HEATR5A: variants seen among roughly 807,000 people sequenced by gnomAD.
The protein encoded by HEATR5A is HEAT repeat-containing protein 5A.
A neutral mutation model predicts 218.8 loss-of-function variants in HEATR5A; 178 were observed. The ratio of observed to expected loss-of-function variants is 0.81; its 90% CI spans 0.72 to 0.92. The LOEUF is 0.92. HEATR5A is among the 40% of genes least tolerant of loss of function. The pLI, the probability that HEATR5A is intolerant of heterozygous loss-of-function variation, is 0.00. For missense variants in HEATR5A, 2,420 were observed against 2,418.9 expected (o/e 1.00, Z -0.01); for synonymous variants, 864 against 871.6 (o/e 0.99, Z 0.15).
chr14:31,406,284 C>A (rs565347900), intron 1 of HEATR5A, among the ~76,000 whole-genome samples: 1 of 152,176 alleles, frequency 6.6e-6, no homozygotes, highest in Non-Finnish European at 1.5e-5. Context: ...ACACATATGT[C>A]AATATATTTA....
At chr14:31,344,268 CTTTTTTTTTTTTTTT>C (rs577497140) in intron 20 of HEATR5A, among the ~76,000 whole-genome samples, 1,074 of 50,942 alleles carry the variant, frequency 0.021, 54 homozygotes, top group Non-Finnish European at 0.024. Flanking sequence ...ATTAGTTATT[CTTTTTTTTTTTTTTT>C]TTTTTTTTTT....
intron 22 of HEATR5A, among the ~76,000 whole-genome samples, chr14:31,328,115 A>AT (rs922801083): frequency 5.4e-4 from 80 of 147,424 alleles, no homozygotes; most frequent in African/African-American, 1.6e-3. Context: ...TGCCCAGCTA[A>AT]TTTTTTTTTT....
chr14:31,308,048 G>C lies in HEATR5A; in HGVS notation c.4691-28C>G, dbSNP rs561716152. 4 of 1,567,054 alleles carry C rather than the reference G, an allele frequency of 2.6e-6. No individual in the cohort carries two copies. The South Asian group carries it at 4.8e-5, about 19-fold the overall frequency. On this transcript the variant is annotated intron_variant, in intron 29 of 35. Coordinates refer to ENST00000543095, the MANE Select transcript of HEATR5A (RefSeq NM_015473.4). ...GTGGAAAGCAAAAAAAGAGGAGGAG[G>C]CTTCTTTCAAATTATTAGTTTATGA...
chr14:31,312,094 G>C (rs1899774064), intron 28 of HEATR5A, among the ~76,000 whole-genome samples: 1 of 152,114 alleles, frequency 6.6e-6, no homozygotes, highest in African/African-American at 2.4e-5. Flanking sequence ...ACAGGGAGAG[G>C]GTAGGCTGTT....
At chr14:31,339,158 T>C (rs2139197246) in intron 21 of HEATR5A, among the ~76,000 whole-genome samples, 1 of 147,580 alleles carries the variant, frequency 6.8e-6, no homozygotes, top group South Asian at 2.2e-4. Context: ...TATGTATGTA[T>C]GTATGTATGT....
chr14:31,350,569 T>A (rs746836580), intron 17 of HEATR5A, 43 bp downstream of exon 17: 2 of 1,122,902 alleles, frequency 1.8e-6, no homozygotes, highest in Non-Finnish European at 1.3e-6. Flanking sequence ...ACAAATTTTT[T>A]AAAAAATGAA....
At chr14:31,402,484 A>T (rs2030914311) in intron 2 of HEATR5A, among the ~76,000 whole-genome samples, 2 of 152,176 alleles carry the variant, frequency 1.3e-5, no homozygotes, top group African/African-American at 4.8e-5. Flanking sequence ...TTTTAAAGTG[A>T]AACTCCCACT....
chr14:31,397,410 C>T (rs2030697260), intron 4 of HEATR5A, among the ~76,000 whole-genome samples: 1 of 151,824 alleles, frequency 6.6e-6, no homozygotes, highest in Non-Finnish European at 1.5e-5. Flanking sequence ...GTAATCCTAG[C>T]ACTTTGGGAG....
intron 21 of HEATR5A, among the ~76,000 whole-genome samples, chr14:31,339,947 A>G (rs1223676005): frequency 1.3e-5 from 2 of 152,236 alleles, no homozygotes; most frequent in Non-Finnish European, 2.9e-5. Flanking sequence ...TATAATACAA[A>G]GCAGGTGCAG....
At chr14:31,365,108 C>T (rs1460633838) in intron 13 of HEATR5A, among the ~76,000 whole-genome samples, 3 of 149,960 alleles carry the variant, frequency 2.0e-5, no homozygotes, top group East Asian at 2.1e-4. Flanking sequence ...CTCCTGACCT[C>T]GTGATCCACC....
intron 28 of HEATR5A, among the ~76,000 whole-genome samples, chr14:31,311,015 T>G (rs1899730056): frequency 7.3e-6 from 1 of 136,588 alleles, no homozygotes; most frequent in Admixed American, 7.9e-5. Context: ...ACCCTGTCTC[T>G]AAAAACCAAC....
chr14:31,299,962 G>C (rs1231509894), intron 33 of HEATR5A, among the ~76,000 whole-genome samples: 4 of 151,940 alleles, frequency 2.6e-5, no homozygotes, highest in Non-Finnish European at 1.5e-5. Flanking sequence ...CTTGAACCTG[G>C]GAGGCAGAAG....
At chr14:31,381,412 G>A (rs955961469) in intron 10 of HEATR5A, among the ~76,000 whole-genome samples, 1 of 152,074 alleles carries the variant, frequency 6.6e-6, no homozygotes, top group Non-Finnish European at 1.5e-5. Flanking sequence ...GCTGGGCACA[G>A]TGGCTCATGC....
intron 11 of HEATR5A, among the ~76,000 whole-genome samples, chr14:31,378,740 A>G (rs1197838081): frequency 6.8e-6 from 1 of 146,948 alleles, no homozygotes; most frequent in Non-Finnish European, 1.5e-5. Context: ...GTGAGCCGAG[A>G]TCGCGCCACT....
At position 31,347,864 on chromosome 14, in the gene HEATR5A, A is replaced by T; in HGVS notation, c.2752T>A (p.Leu918Met). ...TACCTATGTAGGGACCCCAAGGCCA[A>T]TGAGTGTCCTGTTCTGGTAACCACA... Reference protein sequence around the residue: ...RDVVTRTGHSLALGSLHRYLG... With the variant: ...RDVVTRTGHSMALGSLHRYLG... The change falls in exon 19 of 36, where the codon TTG (leucine) becomes ATG (methionine). Residue 918 changes from leucine to methionine, a missense_variant. By Grantham distance (15) the Leu-to-Met change is conservative. Transcript: ENST00000543095. The T allele has an allele frequency of 6.3e-7, 1 of 1,577,594 alleles. No homozygotes were observed. The highest frequency in any genetic ancestry group is 2.3e-5 in the East Asian group (1 of 43,184).
At chr14:31,406,845 G>A (rs117439950) in intron 1 of HEATR5A, among the ~76,000 whole-genome samples, 210 of 152,050 alleles carry the variant, frequency 1.4e-3, no homozygotes, top group Non-Finnish European at 2.4e-3. Flanking sequence ...TGTATTCCCC[G>A]TTACTCGGGA....
At chr14:31,328,460 G>A (rs1900345373) in intron 22 of HEATR5A, among the ~76,000 whole-genome samples, 2 of 152,150 alleles carry the variant, frequency 1.3e-5, no homozygotes. Flanking sequence ...CTAGGGAAAT[G>A]TGTGTGAGGG....
chr14:31,358,659 C>G lies in HEATR5A; in HGVS notation c.2389G>C (p.Ala797Pro). The change falls in exon 16 of 36, where the codon GCT becomes CCT. Residue 797 changes from alanine to proline, a missense_variant. Coordinates refer to ENST00000543095, the MANE Select transcript of HEATR5A (RefSeq NM_015473.4). ...TACCTTTGAGTTTCTCCCACATGAG[C>G]GCATACAACCCCAAAGAGCTTGGAT... ...SASKLFGVVC[A>P]HVGETQRLLI... 6.2e-7 allele frequency: 1 copy of G among 1,613,446 alleles called. No homozygotes were observed. The highest frequency in any genetic ancestry group is 1.1e-5 in the South Asian group (1 of 90,982).
intron 4 of HEATR5A, among the ~76,000 whole-genome samples, chr14:31,397,244 T>G (rs2378861): frequency 0.95 from 144,650 of 152,220 alleles, 69,015 homozygotes; most frequent in Non-Finnish European, 1. Context: ...GTGTGTGACT[T>G]TCCAACATTT....
Sources: gnomAD v4.1 joint callset for allele counts (sites outside exome capture counted in the v4.1 genomes callset) on GRCh38, gnomAD v4.1.1 for gene constraint, MANE v1.5 for transcripts, NCBI Gene and HGNC (gene_info 2026-07-23, HGNC 2026-07-21) for gene names.